Variants in GARNL3 observed in about 807,000 individuals in gnomAD.
GARNL3 encodes GTPase-activating Rap/Ran-GAP domain-like protein 3.
GARNL3 carries 63 observed loss-of-function variants against 125.0 expected under a neutral mutation model. The ratio of observed to expected loss-of-function variants is 0.50; its 90% confidence interval spans 0.41 to 0.62. The LOEUF (loss-of-function observed/expected upper bound fraction) is 0.62. Among genes scored for constraint, GARNL3 ranks in the 20% least tolerant of loss-of-function variants. GARNL3 has a pLI of 0.00. For synonymous variants in GARNL3, 439 were observed against 457.5 expected, an observed-to-expected ratio of 0.96 and a Z score of 0.52; for missense variants, 994 against 1,244.0, an observed-to-expected ratio of 0.80 and a Z score of 3.02.
At chr9:127,383,253 A>G (rs1832364680) in intron 22 of GARNL3, among the ~76,000 whole-genome samples, 185 bp from the exon 23 acceptor site, 1 of 152,218 alleles carries the variant, frequency 6.6e-6, no homozygotes, top group Non-Finnish European at 1.5e-5. Context: ...TTGTAGTAGT[A>G]ATATTATTCT....
intron 11 of GARNL3, 42 bp from the exon 12 acceptor site, chr9:127,338,074 G>A (rs751156107): frequency 1.4e-6 from 2 of 1,459,284 alleles, no homozygotes; most frequent in South Asian, 1.1e-5. Flanking sequence ...TGTCAGTCGT[G>A]AGCATCAGTG....
intron 1 of GARNL3, among the ~76,000 whole-genome samples, chr9:127,232,102 G>C (rs2063028882): frequency 6.6e-6 from 1 of 152,134 alleles, no homozygotes; most frequent in Non-Finnish European, 1.5e-5. Flanking sequence ...AGCTGCATTA[G>C]CTTTCCCTGA....
At chr9:127,348,041 C>A (rs1251860829) in intron 16 of GARNL3, among the ~76,000 whole-genome samples, 1 of 152,176 alleles carries the variant, frequency 6.6e-6, no homozygotes, top group Non-Finnish European at 1.5e-5. Flanking sequence ...TAAGAACACA[C>A]CTACATGTGC....
intron 1 of GARNL3, among the ~76,000 whole-genome samples, chr9:127,274,557 C>T (rs1474840865): frequency 1.3e-5 from 2 of 152,154 alleles, no homozygotes; most frequent in African/African-American, 4.8e-5. Flanking sequence ...ACTCAAGGCT[C>T]TCCTCCTCAG....
intron 7 of GARNL3, 51 bp from the exon 8 acceptor site, chr9:127,332,223 A>G (rs1407490958): frequency 2.2e-6 from 3 of 1,375,012 alleles, no homozygotes; most frequent in Non-Finnish European, 3.1e-6. Flanking sequence ...TCAAAACTAT[A>G]TACGCTGTGA....
intron 1 of GARNL3, among the ~76,000 whole-genome samples, chr9:127,287,737 T>C (rs1451328734): frequency 6.6e-6 from 1 of 152,186 alleles, no homozygotes; most frequent in East Asian, 1.9e-4. Flanking sequence ...GAGCTCAGGG[T>C]GTTGGTGTGA....
chr9:127,313,873 A>AT (rs1438513300), intron 4 of GARNL3, among the ~76,000 whole-genome samples: 1 of 152,052 alleles, frequency 6.6e-6, no homozygotes, highest in African/African-American at 2.4e-5. Context: ...AGCCTTTACA[A>AT]TTTTTTTGCC....
intron 1 of GARNL3, among the ~76,000 whole-genome samples, chr9:127,225,973 CTGAACTTGGA>C (rs376306252): frequency 4.6e-5 from 7 of 152,324 alleles, no homozygotes; most frequent in Admixed American, 1.3e-4. Context: ...CTGGCAGTCC[CTGAACTTGGA>C]ACGGATTCTC....
intron 22 of GARNL3, among the ~76,000 whole-genome samples, chr9:127,374,933 G>C (rs954961329): frequency 6.8e-6 from 1 of 146,460 alleles, no homozygotes; most frequent in African/African-American, 2.5e-5. Flanking sequence ...AAACAACAAA[G>C]AAAAACTTTT....
chr9:127,235,028 C>T (rs2063085688), intron 1 of GARNL3, among the ~76,000 whole-genome samples: 1 of 152,006 alleles, frequency 6.6e-6, no homozygotes, highest in South Asian at 2.1e-4. Flanking sequence ...TATGAATAAT[C>T]TCTTAGAATT....
In GARNL3 at chr9:127,364,198, A is replaced by G. The variant is rs1831161528; in HGVS notation, c.2095-1102A>G. On this transcript the variant is annotated intron_variant, in intron 21 of 27. Coordinates refer to ENST00000373387, the MANE Select transcript of GARNL3 (RefSeq NM_032293.5). This position sits in a 1 kb window ranked among gnomAD's most constrained non-coding sequence, Gnocchi z 4.2. ...GTCTAGGGGCTGCAGCCCTGGGGAG[A>G]ATGTGTGCCTGAGCCCGTGAATTTA... 1 of 152,232 alleles carries G rather than the reference A, an allele frequency of 6.6e-6. No individual in the cohort carries two copies. The highest frequency in any genetic ancestry group is 1.5e-5 in the Non-Finnish European group (1 of 68,054). The allele number at this position is 152,232 out of a possible 1,614,324, so 9.4% of individuals were successfully genotyped here. A position where few individuals can be genotyped will look rare whatever the true frequency, so the allele number is the denominator to read the frequency against.
chr9:127,234,878 T>C (rs2063082813), intron 1 of GARNL3, among the ~76,000 whole-genome samples: 1 of 152,204 alleles, frequency 6.6e-6, no homozygotes, highest in African/African-American at 2.4e-5. Flanking sequence ...CCTCGTGTCC[T>C]AATCGCCTCC....
chr9:127,252,241 A>G (rs913603368), intron 2 of GARNL3, among the ~76,000 whole-genome samples: 5 of 152,152 alleles, frequency 3.3e-5, no homozygotes, highest in African/African-American at 1.2e-4. Flanking sequence ...GGCCTCAGGG[A>G]AAGAACTAAG....
intron 2 of GARNL3, among the ~76,000 whole-genome samples, chr9:127,257,422 TC>T (rs2063512722): frequency 6.6e-6 from 1 of 152,236 alleles, no homozygotes; most frequent in Admixed American, 6.5e-5. Flanking sequence ...CTTCTCCACT[TC>T]CTTGCCAGCA....
intron 1 of GARNL3, among the ~76,000 whole-genome samples, chr9:127,278,240 A>G (rs956714520): frequency 6.6e-6 from 1 of 152,246 alleles, no homozygotes; most frequent in African/African-American, 2.4e-5. Flanking sequence ...ACGATTTAGT[A>G]CACATCGATT....
intron 2 of GARNL3, among the ~76,000 whole-genome samples, chr9:127,298,741 C>T (rs1340537825): frequency 6.6e-6 from 1 of 152,158 alleles, no homozygotes; most frequent in East Asian, 1.9e-4. Flanking sequence ...ATATAATTTA[C>T]TGAATAATCT....
intron 9 of GARNL3, 26 bp downstream of exon 9, chr9:127,333,147 G>A (rs768291926): frequency 6.4e-7 from 1 of 1,560,508 alleles, no homozygotes; most frequent in African/African-American, 1.4e-5. Flanking sequence ...GATCTATTCT[G>A]TTGTAATTTG....
At chr9:127,324,253 T>TA (rs1301449448) in intron 6 of GARNL3, among the ~76,000 whole-genome samples, 15 of 151,892 alleles carry the variant, frequency 9.9e-5, no homozygotes, top group Admixed American at 5.9e-4. Flanking sequence ...CCTGTCTCTT[T>TA]AAAAAAACAA....
At chr9:127,296,532 C>T (rs1167290366) in intron 2 of GARNL3, among the ~76,000 whole-genome samples, 6 of 134,494 alleles carry the variant, frequency 4.5e-5, no homozygotes, top group East Asian at 2.2e-4. Flanking sequence ...AGTGCAATGG[C>T]GCGATCTTGG....
Sources: allele counts gnomAD v4.1 joint callset (sites outside exome capture counted in the v4.1 genomes callset), GRCh38; gene constraint gnomAD v4.1.1; non-coding constraint Gnocchi (gnomAD v3.1); transcripts MANE v1.5; gene names NCBI Gene and HGNC (gene_info 2026-07-23, HGNC 2026-07-21).